SLC35F3: variants seen among roughly 807,000 people sequenced by gnomAD.
The protein encoded by SLC35F3 is putative thiamine transporter SLC35F3.
SLC35F3 carries 25 observed loss-of-function variants against 49.9 expected under a neutral mutation model. The observed-to-expected ratio is 0.50, with a 90% CI of 0.37 to 0.70. The LOEUF (loss-of-function observed/expected upper bound fraction) is 0.70, where lower values mean the gene tolerates loss of function less well. Among genes scored for constraint, SLC35F3 ranks in the 30% least tolerant of loss-of-function variants. The pLI is 0.00. For synonymous variants in SLC35F3, 275 were observed against 265.4 expected (o/e 1.04, Z -0.35); for missense variants, 525 against 639.8 (o/e 0.82, Z 1.94).
intron 2 of SLC35F3, among the ~76,000 whole-genome samples, chr1:234,003,789 A>G (rs556171823): frequency 6.6e-6 from 1 of 152,338 alleles, no homozygotes; most frequent in South Asian, 2.1e-4. Flanking sequence ...AGAAATGGTA[A>G]AATAAGAAAT....
chr1:233,950,445 TTTCCTTCCTTCTTTCC>T (rs1662585335), intron 2 of SLC35F3, among the ~76,000 whole-genome samples: 1 of 132,360 alleles, frequency 7.6e-6, no homozygotes. Context: ...CAAAGAAATG[TTTCCTTCCTTCTTTCC>T]TTCCTTCCTT....
chr1:233,969,213 A>G (rs1662952634), intron 2 of SLC35F3, among the ~76,000 whole-genome samples: 1 of 152,134 alleles, frequency 6.6e-6, no homozygotes, highest in Admixed American at 6.5e-5. Context: ...ATTTTGATCT[A>G]TTTCTCCTGA....
rs1310170785 is a variant in SLC35F3, at chr1:233,942,987, C to T, written c.283+37229C>T. Among the ~76,000 whole-genome samples, 8 of 152,324 alleles carry T rather than the reference C, an allele frequency of 5.3e-5. No individual in the cohort carries two copies. In the East Asian group the frequency reaches 1.3e-3, roughly 26 times the overall value. ...TTTATGACTGGCTTACTTCACTTAGCGTAATGTCCTCCAGATTCATTCATG... is the reference window on the plus strand; with the variant it reads ...TTTATGACTGGCTTACTTCACTTAGTGTAATGTCCTCCAGATTCATTCATG... On this transcript the variant is annotated intron_variant, in intron 2 of 7. Coordinates refer to ENST00000366618, the MANE Select transcript of SLC35F3 (RefSeq NM_173508.4).
At chr1:234,052,691 GT>G (rs1334873001) in intron 2 of SLC35F3, among the ~76,000 whole-genome samples, 1 of 152,034 alleles carries the variant, frequency 6.6e-6, no homozygotes, top group Non-Finnish European at 1.5e-5. Context: ...CTTTTAATGT[GT>G]TTGCTCTTGC....
At chr1:234,032,117 A>G (rs1664073107) in intron 2 of SLC35F3, among the ~76,000 whole-genome samples, 1 of 152,064 alleles carries the variant, frequency 6.6e-6, no homozygotes, top group African/African-American at 2.4e-5. Context: ...TGCTCTCGGC[A>G]TTCTCTATTG....
chr1:233,905,798 A>G (rs755533721), intron 2 of SLC35F3, 40 bp downstream of exon 2: 1 of 1,545,624 alleles, frequency 6.5e-7, no homozygotes, highest in Non-Finnish European at 8.9e-7. Flanking sequence ...TCACTGGTCC[A>G]TCTTCTTACC....
chr1:234,174,001 A>G (rs1018512955), intron 2 of SLC35F3, among the ~76,000 whole-genome samples: 3 of 152,172 alleles, frequency 2.0e-5, no homozygotes, highest in African/African-American at 7.2e-5. Flanking sequence ...TACCTGGGGA[A>G]TTAGAACCAG....
At chr1:234,262,265 G>A (rs541741304) in intron 3 of SLC35F3, among the ~76,000 whole-genome samples, 1 of 152,226 alleles carries the variant, frequency 6.6e-6, no homozygotes, top group African/African-American at 2.4e-5. Flanking sequence ...GGAGAGCCCT[G>A]CTGTGGCACT....
At chr1:234,021,294 G>C (rs1663891431) in intron 2 of SLC35F3, among the ~76,000 whole-genome samples, 1 of 152,092 alleles carries the variant, frequency 6.6e-6, no homozygotes. Flanking sequence ...GGAAGGCAGT[G>C]GGGGAAACCA....
intron 3 of SLC35F3, among the ~76,000 whole-genome samples, chr1:234,242,171 T>C (rs921814496): frequency 6.6e-6 from 1 of 152,232 alleles, no homozygotes; most frequent in Admixed American, 6.5e-5. Flanking sequence ...CCAGTGTCTG[T>C]GCTAAGTGCT....
intron 2 of SLC35F3, among the ~76,000 whole-genome samples, chr1:233,966,213 C>A (rs142533019): frequency 1.5e-3 from 230 of 152,252 alleles, no homozygotes; most frequent in African/African-American, 5.3e-3. Context: ...GAAGAAAAGA[C>A]TAGTGGTAAA....
At chr1:234,293,890 A>G (rs886264822) in intron 3 of SLC35F3, among the ~76,000 whole-genome samples, 1 of 152,222 alleles carries the variant, frequency 6.6e-6, no homozygotes, top group Non-Finnish European at 1.5e-5. Flanking sequence ...TGATTTTTCA[A>G]AAGCTGTTGA....
At position 234,233,501 on chromosome 1, in the gene SLC35F3, T is replaced by G. The variant is rs190151014; in HGVS notation, c.608+1760T>G. Among the ~76,000 whole-genome samples the G allele has an allele frequency of 1.4e-3, 206 of 152,382 alleles. 1 individual carries two copies. Among genetic ancestry groups the G allele is most frequent in the African/African-American group, 4.7e-3 (197 of 41,596 alleles). ...ATGGCTACCACTTACCTGGGAAGAC[T>G]GTCACCACCAGCCACTTAGGGCGGG... is the stretch of plus-strand genomic sequence containing the variant. On this transcript the variant is annotated intron_variant, in intron 3 of 7. Transcript: ENST00000366618.
chr1:234,301,837 C>T (rs1668697464), intron 3 of SLC35F3, among the ~76,000 whole-genome samples: 2 of 152,244 alleles, frequency 1.3e-5, no homozygotes, highest in Admixed American at 1.3e-4. Context: ...AGTACATATA[C>T]ACCATGGAAT....
At chr1:234,234,353 G>A (rs4920226) in intron 3 of SLC35F3, among the ~76,000 whole-genome samples, 61,237 of 151,894 alleles carry the variant, frequency 0.4, 12,659 homozygotes, top group African/African-American at 0.44. Flanking sequence ...CAACTGAGCC[G>A]CTTCCCCAGG....
intron 2 of SLC35F3, among the ~76,000 whole-genome samples, chr1:234,205,994 G>A (rs1252360885): frequency 1.3e-5 from 2 of 152,196 alleles, no homozygotes; most frequent in Non-Finnish European, 2.9e-5. Context: ...GGCACGCTGT[G>A]GATGAGGAGG....
chr1:234,212,064 T>A (rs1667053316), intron 2 of SLC35F3, among the ~76,000 whole-genome samples: 1 of 152,336 alleles, frequency 6.6e-6, no homozygotes. Context: ...AGCACTCTCT[T>A]TGCCTGCTGC....
intron 2 of SLC35F3, among the ~76,000 whole-genome samples, chr1:234,201,914 A>AG (rs528728660): frequency 7.3e-5 from 2 of 27,324 alleles, no homozygotes; most frequent in African/African-American, 6.0e-4. Flanking sequence ...CTTCTTCTCA[A>AG]AAAAAAAAAA....
chr1:234,248,513 T>C (rs1187221518), intron 3 of SLC35F3, among the ~76,000 whole-genome samples: 4 of 152,274 alleles, frequency 2.6e-5, no homozygotes, highest in African/African-American at 2.4e-5. Flanking sequence ...GTCCATTGTT[T>C]GATGGGTCAG....
Sources: allele counts gnomAD v4.1 joint callset (sites outside exome capture counted in the v4.1 genomes callset), GRCh38; gene constraint gnomAD v4.1.1; transcripts MANE v1.5; gene names NCBI Gene and HGNC (gene_info 2026-07-23, HGNC 2026-07-21).